Variants in ARMC2 observed in about 807,000 individuals in gnomAD.
ARMC2 encodes the protein armadillo repeat-containing protein 2.
Under a neutral mutation model 90.3 loss-of-function variants are expected in ARMC2, and 67 were observed. That is an observed-to-expected ratio of 0.74 (90% CI 0.61 to 0.91). The LOEUF is 0.91. Among genes scored for constraint, ARMC2 ranks in the 40% least tolerant of loss-of-function variants. The probability of loss-of-function intolerance (pLI) is 0.00; values close to 1 mark genes in which losing one functional copy is unlikely to be tolerated. For synonymous variants in ARMC2, 393 were observed against 393.0 expected (o/e 1.00, Z 0.00); for missense variants, 920 against 1,030.9 (o/e 0.89, Z 1.47).
chr6:108,963,064 C>T (rs1207472881), intron 15 of ARMC2, among the ~76,000 whole-genome samples: 3 of 151,850 alleles, frequency 2.0e-5, no homozygotes, highest in African/African-American at 7.3e-5. Context: ...AAAGGGATGT[C>T]CAAAGATTAT....
chr6:108,925,486 AC>A (rs1775021745), intron 10 of ARMC2, among the ~76,000 whole-genome samples: 2 of 152,336 alleles, frequency 1.3e-5, no homozygotes, highest in East Asian at 3.9e-4. Context: ...CAGATAGTAA[AC>A]CATAATATTA....
chr6:109,024,631 C>A, the ARMC2 span, among the ~76,000 whole-genome samples: 1 of 152,062 alleles, frequency 6.6e-6, no homozygotes, highest in African/African-American at 2.4e-5. Flanking sequence ...TTTAATACAC[C>A]AAATCTTCTA....
chr6:108,864,182 T>C (rs570807851), intron 3 of ARMC2, among the ~76,000 whole-genome samples: 21 of 151,760 alleles, frequency 1.4e-4, no homozygotes, highest in African/African-American at 4.8e-4. Flanking sequence ...GAGAAAATCA[T>C]AGTTAATAGA....
chr6:108,941,036 T>A (rs985930661), intron 12 of ARMC2, among the ~76,000 whole-genome samples: 4 of 152,152 alleles, frequency 2.6e-5, no homozygotes, highest in Non-Finnish European at 4.4e-5. Flanking sequence ...GCGGGAGGAT[T>A]GCTTGAGCCC....
chr6:108,969,242 T>C (rs979416601), intron 17 of ARMC2, among the ~76,000 whole-genome samples: 14 of 152,160 alleles, frequency 9.2e-5, no homozygotes, highest in African/African-American at 3.1e-4. Context: ...ATTCGACAAC[T>C]TTGCCTTATA....
chr6:108,980,873 G>A, the ARMC2 span, among the ~76,000 whole-genome samples: 1 of 152,090 alleles, frequency 6.6e-6, no homozygotes, highest in African/African-American at 2.4e-5. Flanking sequence ...CTGGGCAGCA[G>A]CACAAGACTG....
chr6:109,000,387 G>GA, the ARMC2 span: 3 of 852,296 alleles, frequency 3.5e-6, no homozygotes, highest in Non-Finnish European at 5.1e-6. Context: ...TCAGGGGGTA[G>GA]AAAATAGGAA....
chr6:108,928,989 A>G (rs1159717101), intron 11 of ARMC2, among the ~76,000 whole-genome samples: 4 of 152,106 alleles, frequency 2.6e-5, no homozygotes, highest in Non-Finnish European at 4.4e-5. Flanking sequence ...TTTTTAAATG[A>G]ATGTCAACTT....
At chr6:108,857,127 C>T (rs376501216) in intron 2 of ARMC2, among the ~76,000 whole-genome samples, 3 of 152,094 alleles carry the variant, frequency 2.0e-5, no homozygotes, top group Non-Finnish European at 2.9e-5. Context: ...ATTTTGACTG[C>T]GATTGCATTG....
chr6:108,991,274 C>T, the ARMC2 span, among the ~76,000 whole-genome samples: 1 of 151,968 alleles, frequency 6.6e-6, no homozygotes, highest in African/African-American at 2.4e-5. Flanking sequence ...CAAGGTCTCA[C>T]TATGTTGTCC....
At chr6:108,990,721 C>T in the ARMC2 span, 1 of 1,614,042 alleles carries the variant, frequency 6.2e-7, no homozygotes, top group Non-Finnish European at 8.5e-7. Context: ...TTGTGCATTG[C>T]CATTGTATTA....
chr6:108,958,498 C>A (rs150128946), intron 13 of ARMC2, among the ~76,000 whole-genome samples: 1 of 152,144 alleles, frequency 6.6e-6, no homozygotes, highest in Non-Finnish European at 1.5e-5. Flanking sequence ...CCATTCCTGC[C>A]GCCCAAATGT....
At chr6:109,000,742 A>G in the ARMC2 span, 7 of 1,238,394 alleles carry the variant, frequency 5.7e-6, no homozygotes, top group Non-Finnish European at 7.3e-6. Context: ...TTTATTTACA[A>G]CATGCAAAAG....
chr6:109,029,891 T>C, the ARMC2 span, among the ~76,000 whole-genome samples: 1 of 152,166 alleles, frequency 6.6e-6, no homozygotes, highest in South Asian at 2.1e-4. Flanking sequence ...AGTTTGTATC[T>C]AATTACGTTA....
chr6:108,953,282 A>G lies in ARMC2; in HGVS notation c.1846A>G (p.Ile616Val), dbSNP rs779142295. 1.2e-6 allele frequency: 2 copies of G among 1,612,614 alleles called. No individual in the cohort carries two copies. Among genetic ancestry groups the G allele is most frequent in the Non-Finnish European group, 1.7e-6 (2 of 1,179,866 alleles). Residue 616 changes from isoleucine (I) to valine (V), a missense_variant, in exon 13 of 18, where the codon ATC becomes GTC. Coordinates refer to ENST00000392644, the MANE Select transcript of ARMC2 (RefSeq NM_032131.6). Reference protein sequence around the residue: ...KLTRVLANIAIHPGVGPVLAA... With the variant: ...KLTRVLANIAVHPGVGPVLAA... ...GACTCGTGTGCTGGCCAACATTGCC[A>G]TCCACCCGGGCGTGGGCCCGGTGCT...
At position 108,904,244 on chromosome 6, in the gene ARMC2, A is replaced by G; in HGVS notation, c.862A>G (p.Thr288Ala). The change falls in exon 8 of 18, where the codon ACG becomes GCG. Residue 288 changes from threonine to alanine, a missense_variant. Thr to Ala is a moderately conservative substitution (Grantham distance 58). Transcript: ENST00000392644. ...TGCTCTGACAGAAGAAAACATTGAA[A>G]CGGTTTGTGCTGCTTGCACACAACT... ...RELEKEENIE[T>A]VCAACTQLHH... 2.5e-6 allele frequency: 4 copies of G among 1,613,362 alleles called. No homozygotes were observed. The highest frequency in any genetic ancestry group is 3.4e-6 in the Non-Finnish European group (4 of 1,179,694).
chr6:108,972,049 T>C (rs902156570), intron 17 of ARMC2, among the ~76,000 whole-genome samples: 1 of 152,236 alleles, frequency 6.6e-6, no homozygotes, highest in Non-Finnish European at 1.5e-5. Flanking sequence ...CTAATCTGAT[T>C]GGCAGGTCAG....
chr6:108,937,890 G>A (rs1008096639), intron 12 of ARMC2, among the ~76,000 whole-genome samples: 2 of 151,798 alleles, frequency 1.3e-5, no homozygotes, highest in African/African-American at 2.4e-5. Flanking sequence ...TAGAGACGAG[G>A]TTTCACCGTG....
chr6:108,868,987 C>A lies in ARMC2; in HGVS notation c.455C>A (p.Pro152His), dbSNP rs200798300. Reference sequence around the variant, plus strand: ...CTTCTGCCGGACAGATCCCTTCCTCCCTCCGACTGTAAGGCCATGTAACAT... The same window carrying A: ...CTTCTGCCGGACAGATCCCTTCCTCACTCCGACTGTAAGGCCATGTAACAT... ...RALLPDRSLP[P>H]SDSKKTVESK... The change falls in exon 4 of 18, where the codon CCC (proline) becomes CAC (histidine). Residue 152 changes from proline to histidine, a missense_variant. Transcript: ENST00000392644. 185 of 1,611,410 alleles carry A rather than the reference C, an allele frequency of 1.1e-4. 1 individual carries two copies. In the East Asian group the frequency reaches 4.0e-3, roughly 35 times the overall value.
Sources: allele counts gnomAD v4.1 joint callset (sites outside exome capture counted in the v4.1 genomes callset), GRCh38; gene constraint gnomAD v4.1.1; transcripts MANE v1.5; gene names NCBI Gene and HGNC (gene_info 2026-07-23, HGNC 2026-07-21).